The following IQCB1 variants were observed in gnomAD, a reference collection of about 807,000 sequenced individuals.
IQCB1 encodes the protein IQ motif containing B1.
IQCB1 carries 56 observed loss-of-function variants against 84.4 expected under a neutral mutation model. That is an observed-to-expected ratio of 0.66 (90% CI 0.54 to 0.83). The LOEUF is 0.83. IQCB1 is among the 40% of genes least tolerant of loss of function. The pLI is 0.00. For missense variants in IQCB1, 629 were observed against 682.1 expected, an observed-to-expected ratio of 0.92 and a Z score of 0.87; for synonymous variants, 210 against 234.8, an observed-to-expected ratio of 0.89 and a Z score of 0.96.
intron 13 of IQCB1, among the ~76,000 whole-genome samples, chr3:121,780,383 C>G (rs1948421761): frequency 6.6e-6 from 1 of 152,160 alleles, no homozygotes; most frequent in South Asian, 2.1e-4. Flanking sequence ...TTGTTTCAGG[C>G]AGGAAGTAAA....
At chr3:121,796,195 C>T (rs1045626672) in intron 9 of IQCB1, among the ~76,000 whole-genome samples, 1 of 152,052 alleles carries the variant, frequency 6.6e-6, no homozygotes, top group Non-Finnish European at 1.5e-5. Context: ...TTAATCTAAA[C>T]TCACGATGGT....
At position 121,808,907 on chromosome 3, in the gene IQCB1, T is replaced by A. The variant is rs757796582; in HGVS notation, c.487+9A>T. ...TAGCTATTAGTTACATTAAAATCTT[T>A]TCTCTTACCATTCTGAATAAGTTCA... On this transcript the variant is annotated intron_variant, in intron 6 of 14. Transcript: ENST00000310864. 1.3e-6 allele frequency: 2 copies of A among 1,548,226 alleles called. No individual in the cohort carries two copies. The highest frequency in any genetic ancestry group is 1.8e-6 in the Non-Finnish European group (2 of 1,120,594).
chr3:121,793,410 G>A (rs1559768946), intron 10 of IQCB1, among the ~76,000 whole-genome samples: 1 of 152,088 alleles, frequency 6.6e-6, no homozygotes, highest in Non-Finnish European at 1.5e-5. Context: ...TGTGACCAGT[G>A]GGCAGTCTCT....
In IQCB1 at chr3:121,830,458, G is replaced by A. The variant is rs375671598; in HGVS notation, c.-12-1486C>T. Among the ~76,000 whole-genome samples, 28 of 151,762 alleles carry A rather than the reference G, an allele frequency of 1.8e-4. 1 individual carries two copies. The South Asian group carries it at 4.4e-3, about 24-fold the overall frequency. On this transcript the variant is annotated intron_variant, in intron 2 of 14. Coordinates refer to ENST00000310864, the MANE Select transcript of IQCB1 (RefSeq NM_001023570.4). Reference sequence around the variant, plus strand: ...AAAGATATCCTTATATAATAAAAGCGTATTTCCTTATTTATAGTAAAGCTA... The same window carrying A: ...AAAGATATCCTTATATAATAAAAGCATATTTCCTTATTTATAGTAAAGCTA...
At chr3:121,803,488 T>C (rs1264902490) in intron 7 of IQCB1, among the ~76,000 whole-genome samples, 2 of 145,908 alleles carry the variant, frequency 1.4e-5, no homozygotes, top group Non-Finnish European at 3.0e-5. Context: ...CAGGTCAGAT[T>C]GGTTGATATT....
At chr3:121,831,849 C>G (rs1225847220) in intron 2 of IQCB1, among the ~76,000 whole-genome samples, 1 of 152,206 alleles carries the variant, frequency 6.6e-6, no homozygotes. Flanking sequence ...CAGTGCAACT[C>G]CCGGCACATA....
intron 2 of IQCB1, chr3:121,834,112 G>T (rs1438728488): frequency 6.6e-6 from 1 of 152,208 alleles, no homozygotes; most frequent in Non-Finnish European, 1.5e-5. Flanking sequence ...ACTACGATAT[G>T]AAACAGCTTC....
chr3:121,797,283 G>T, intron 8 of IQCB1, 56 bp from the exon 9 acceptor site: 1 of 791,526 alleles, frequency 1.3e-6, no homozygotes, highest in Non-Finnish European at 2.1e-6. Context: ...ATATGATTTT[G>T]TTATCTAATC....
chr3:121,793,323 T>C (rs574793945), intron 10 of IQCB1, among the ~76,000 whole-genome samples: 2 of 152,254 alleles, frequency 1.3e-5, no homozygotes, highest in African/African-American at 4.8e-5. Flanking sequence ...ACTATGAAAG[T>C]GCATTAGCAA....
intron 13 of IQCB1, among the ~76,000 whole-genome samples, chr3:121,776,542 T>C (rs993807975): frequency 6.6e-6 from 1 of 152,200 alleles, no homozygotes; most frequent in Non-Finnish European, 1.5e-5. Context: ...GTATGAAGTA[T>C]CTTACTGTCG....
intron 5 of IQCB1, among the ~76,000 whole-genome samples, chr3:121,811,172 A>T (rs1202528238): frequency 6.6e-6 from 1 of 152,072 alleles, no homozygotes; most frequent in Non-Finnish European, 1.5e-5. Flanking sequence ...CTCACCTGGG[A>T]AGTGCAAGGG....
chr3:121,816,466 C>G (rs569778964), intron 5 of IQCB1, among the ~76,000 whole-genome samples: 6 of 152,106 alleles, frequency 3.9e-5, no homozygotes, highest in Admixed American at 6.5e-5. Flanking sequence ...AAGAAACTAT[C>G]ATCAGAGTGA....
intron 12 of IQCB1, among the ~76,000 whole-genome samples, chr3:121,782,447 AG>A (rs1948540118): frequency 6.6e-6 from 1 of 152,252 alleles, no homozygotes; most frequent in African/African-American, 2.4e-5. Flanking sequence ...TGTTTAAAGC[AG>A]GGGTCAGCAA....
intron 5 of IQCB1, among the ~76,000 whole-genome samples, chr3:121,814,170 T>C (rs1452129250): frequency 2.6e-5 from 4 of 152,120 alleles, no homozygotes; most frequent in Non-Finnish European, 5.9e-5. Context: ...CCTGAATGAG[T>C]ACTGGGTAAA....
chr3:121,776,455 T>C (rs1948232882), intron 13 of IQCB1, among the ~76,000 whole-genome samples: 1 of 152,244 alleles, frequency 6.6e-6, no homozygotes, highest in Admixed American at 6.5e-5. Context: ...AGTTGTACTC[T>C]TTTACATTCC....
chr3:121,805,992 A>T (rs1432157006), intron 7 of IQCB1, among the ~76,000 whole-genome samples: 1 of 152,072 alleles, frequency 6.6e-6, no homozygotes, highest in East Asian at 1.9e-4. Context: ...CAATACTGTA[A>T]GTTAGAGCAA....
intron 2 of IQCB1, among the ~76,000 whole-genome samples, chr3:121,831,257 A>G (rs1045838517): frequency 4.1e-5 from 6 of 147,208 alleles, no homozygotes; most frequent in African/African-American, 1.5e-4. Flanking sequence ...ACTGCAGCCT[A>G]GACTTCTCAG....
At chr3:121,807,787 A>G (rs563540211) in intron 6 of IQCB1, among the ~76,000 whole-genome samples, 1 of 152,162 alleles carries the variant, frequency 6.6e-6, no homozygotes, top group Non-Finnish European at 1.5e-5. Flanking sequence ...CTGCAAAGAC[A>G]GAATATAAGG....
At chr3:121,830,685 T>C (rs1950607624) in intron 2 of IQCB1, among the ~76,000 whole-genome samples, 1 of 152,222 alleles carries the variant, frequency 6.6e-6, no homozygotes, top group Admixed American at 6.5e-5. Context: ...CTTGTTATGT[T>C]AGGGTGCTTT....
Sources: gnomAD v4.1 joint callset for allele counts (sites outside exome capture counted in the v4.1 genomes callset) on GRCh38, gnomAD v4.1.1 for gene constraint, MANE v1.5 for transcripts, NCBI Gene and HGNC (gene_info 2026-07-23, HGNC 2026-07-21) for gene names.